The following PKNOX2 variants were observed in gnomAD, a reference collection of about 807,000 sequenced individuals.
PKNOX2 encodes PBX/knotted 1 homeobox 2.
A neutral mutation model predicts 53.1 loss-of-function variants in PKNOX2; 14 were observed. The ratio of observed to expected loss-of-function variants is 0.26; its 90% CI spans 0.17 to 0.41. PKNOX2 has a LOEUF of 0.41. Among genes scored for constraint, PKNOX2 ranks in the 10% least tolerant of loss-of-function variants. The probability of loss-of-function intolerance (pLI) is 1.00; values close to 1 mark genes in which losing one functional copy is unlikely to be tolerated. For missense variants in PKNOX2, 496 were observed against 602.8 expected, an observed-to-expected ratio of 0.82 and a Z score of 1.85; for synonymous variants, 257 against 242.8, an observed-to-expected ratio of 1.06 and a Z score of -0.54.
chr11:125,284,069 T>C (rs556447932), intron 2 of PKNOX2, among the ~76,000 whole-genome samples: 2 of 152,306 alleles, frequency 1.3e-5, no homozygotes, highest in East Asian at 3.9e-4. Flanking sequence ...CTAGCCTTGG[T>C]CTCTCCATCG....
intron 1 of PKNOX2, among the ~76,000 whole-genome samples, chr11:125,182,357 A>G (rs1325674768): frequency 1.3e-5 from 2 of 152,174 alleles, no homozygotes; most frequent in Non-Finnish European, 2.9e-5. Flanking sequence ...TGAATCCCCC[A>G]GAGATAGGCA....
chr11:125,269,082 G>A (rs577504312), intron 2 of PKNOX2, among the ~76,000 whole-genome samples: 6 of 152,332 alleles, frequency 3.9e-5, no homozygotes, highest in Non-Finnish European at 7.3e-5. Context: ...AAGGATGAAA[G>A]AGATGGGAAT....
chr11:125,302,020 T>C (rs1948107014), intron 2 of PKNOX2, among the ~76,000 whole-genome samples: 1 of 152,190 alleles, frequency 6.6e-6, no homozygotes, highest in South Asian at 2.1e-4. Context: ...GGCCAGTGCT[T>C]GTCTGACTGG....
chr11:125,411,027 C>A (rs1010220469), intron 9 of PKNOX2, 151 bp downstream of exon 9: 3 of 670,806 alleles, frequency 4.5e-6, no homozygotes, highest in African/African-American at 1.8e-5. Flanking sequence ...AGATAAGAAG[C>A]TGGGTCTTGG....
chr11:125,398,998 G>T (rs1422580187), intron 7 of PKNOX2, among the ~76,000 whole-genome samples: 2 of 152,238 alleles, frequency 1.3e-5, no homozygotes, highest in Non-Finnish European at 2.9e-5. Flanking sequence ...TTTGTCCCTA[G>T]ACCCCTAAGG....
At chr11:125,410,655 C>G in intron 8 of PKNOX2, 124 bp from the exon 9 acceptor site, 1 of 746,682 alleles carries the variant, frequency 1.3e-6, no homozygotes, top group Non-Finnish European at 2.3e-6. Flanking sequence ...AGCCATAGCT[C>G]GCTACCCAAG....
chr11:125,407,095 C>G (rs1163454499), intron 7 of PKNOX2, among the ~76,000 whole-genome samples: 2 of 152,148 alleles, frequency 1.3e-5, no homozygotes, highest in Non-Finnish European at 2.9e-5. Flanking sequence ...CCCTTGGACT[C>G]TATCTCTGAA....
At chr11:125,362,602 T>G (rs1048810417) in intron 4 of PKNOX2, among the ~76,000 whole-genome samples, 1 of 152,144 alleles carries the variant, frequency 6.6e-6, no homozygotes, top group Non-Finnish European at 1.5e-5. Flanking sequence ...AACTCCTGGC[T>G]TCAAGCAATC....
intron 7 of PKNOX2, 31 bp from the exon 8 acceptor site, chr11:125,410,164 AT>A (rs764242058): frequency 1.2e-6 from 2 of 1,611,926 alleles, no homozygotes; most frequent in South Asian, 2.2e-5. Context: ...TCTCAGTGTC[AT>A]TGTCACAAAC....
intron 10 of PKNOX2, among the ~76,000 whole-genome samples, chr11:125,424,452 C>T (rs1233753288): frequency 6.6e-6 from 1 of 152,092 alleles, no homozygotes; most frequent in Non-Finnish European, 1.5e-5. Context: ...CCCCCACCAT[C>T]CTGGCTGCCT....
chr11:125,286,673 C>A (rs1046393250), intron 2 of PKNOX2, among the ~76,000 whole-genome samples: 30 of 152,220 alleles, frequency 2.0e-4, no homozygotes, highest in Middle Eastern at 3.2e-3. Flanking sequence ...CTGGGCTGGG[C>A]GGAGCAATGG....
Position 125,263,939 on chromosome 11 carries a change from T to G in PKNOX2, c.-130+28824T>G, listed in dbSNP as rs566284574. Reference sequence around the variant, plus strand: ...GTGCGGGGAGGGGGCTTTTCCTGGCTTCCTTCTCCGCACCCTTCCATCCAG... The same window carrying G: ...GTGCGGGGAGGGGGCTTTTCCTGGCGTCCTTCTCCGCACCCTTCCATCCAG... On this transcript the variant is annotated intron_variant, in intron 2 of 12. Transcript: ENST00000298282. Among the ~76,000 whole-genome samples, 3 of 152,272 alleles carry G rather than the reference T, an allele frequency of 2.0e-5. No homozygotes were observed. The South Asian group carries it at 6.2e-4, about 32-fold the overall frequency.
At chr11:125,308,956 T>C (rs919493348) in intron 2 of PKNOX2, among the ~76,000 whole-genome samples, 10 of 152,184 alleles carry the variant, frequency 6.6e-5, no homozygotes, top group Admixed American at 5.2e-4. Flanking sequence ...TCTGGAAGTA[T>C]GTACCTTTCT....
At chr11:125,415,327 C>T (rs1955816551) in intron 10 of PKNOX2, among the ~76,000 whole-genome samples, 1 of 149,584 alleles carries the variant, frequency 6.7e-6, no homozygotes, top group Non-Finnish European at 1.5e-5. Flanking sequence ...TCACTGCAAT[C>T]CCCACCTCCC....
intron 1 of PKNOX2, among the ~76,000 whole-genome samples, chr11:125,189,417 G>GTGTATATATA (rs1233810916): frequency 1.1e-4 from 5 of 46,572 alleles, no homozygotes; most frequent in African/African-American, 2.9e-4. Flanking sequence ...ATATATATGT[G>GTGTATATATA]TGTGTGTGTG....
chr11:125,424,618 C>T (rs557265160), intron 10 of PKNOX2, among the ~76,000 whole-genome samples: 1 of 152,226 alleles, frequency 6.6e-6, no homozygotes, highest in South Asian at 2.1e-4. Flanking sequence ...AATGGAAGCT[C>T]GCTGATCTGA....
chr11:125,172,501 G>A (rs1360342902), intron 1 of PKNOX2, among the ~76,000 whole-genome samples: 1 of 152,166 alleles, frequency 6.6e-6, no homozygotes, highest in Non-Finnish European at 1.5e-5. Flanking sequence ...TGATCGGGAT[G>A]GTGGAGAGAA....
intron 1 of PKNOX2, among the ~76,000 whole-genome samples, chr11:125,202,757 C>A (rs187118528): frequency 6.6e-6 from 1 of 152,214 alleles, no homozygotes; most frequent in Non-Finnish European, 1.5e-5. Context: ...CAGATAATTT[C>A]ATCACCCCTT....
intron 2 of PKNOX2, among the ~76,000 whole-genome samples, chr11:125,267,268 C>T (rs1400646949): frequency 2.0e-5 from 3 of 152,132 alleles, no homozygotes; most frequent in East Asian, 3.9e-4. Context: ...TGTGTGTTCC[C>T]GTACCCACGT....
Sources: gnomAD v4.1 joint callset for allele counts (sites outside exome capture counted in the v4.1 genomes callset) on GRCh38, gnomAD v4.1.1 for gene constraint, MANE v1.5 for transcripts, NCBI Gene and HGNC (gene_info 2026-07-23, HGNC 2026-07-21) for gene names.